The following NXN variants were observed in gnomAD, a reference collection of about 807,000 sequenced individuals.
NXN encodes the protein nucleoredoxin 1.
Under a neutral mutation model 48.6 loss-of-function variants are expected in NXN, and 16 were observed. The ratio of observed to expected loss-of-function variants is 0.33; its 90% CI spans 0.22 to 0.50. The LOEUF is 0.50. NXN is among the 20% of genes least tolerant of loss of function. The pLI is 0.98. For missense variants in NXN, 492 were observed against 605.5 expected (o/e 0.81, Z 1.97); for synonymous variants, 281 against 269.6 (o/e 1.04, Z -0.41).
At chr17:878,711 C>G (rs941276303) in intron 1 of NXN, among the ~76,000 whole-genome samples, 2 of 152,006 alleles carry the variant, frequency 1.3e-5, no homozygotes, top group African/African-American at 4.8e-5. Context: ...CAATAGTGCC[C>G]CAACCTGATT....
At chr17:859,415 T>C (rs140264887) in intron 1 of NXN, among the ~76,000 whole-genome samples, 1,803 of 152,180 alleles carry the variant, frequency 0.012, 18 homozygotes, top group Non-Finnish European at 0.015. Context: ...TAATTGCTTA[T>C]AAAAGCTCCT....
chr17:875,117 C>T (rs1390996440), intron 1 of NXN, among the ~76,000 whole-genome samples: 1 of 151,992 alleles, frequency 6.6e-6, no homozygotes, highest in Non-Finnish European at 1.5e-5. Context: ...CTGCAACCTC[C>T]GCCTCCCGGG....
At chr17:843,006 G>GAAAGAAAA (rs1302027670) in intron 1 of NXN, among the ~76,000 whole-genome samples, 1 of 96,042 alleles carries the variant, frequency 1.0e-5, no homozygotes. Context: ...GAGAGAAAGA[G>GAAAGAAAA]AGAAAGAAAG....
chr17:892,656 G>A (rs1039229371), intron 1 of NXN, among the ~76,000 whole-genome samples: 3 of 152,272 alleles, frequency 2.0e-5, no homozygotes, highest in East Asian at 1.9e-4. Flanking sequence ...TGTGTGGGGG[G>A]GTGCTGTTCC....
chr17:972,791 G>C (rs2069402839), intron 1 of NXN, among the ~76,000 whole-genome samples: 1 of 152,214 alleles, frequency 6.6e-6, no homozygotes. Context: ...CAGCACTTTG[G>C]GAGGCTGACG....
chr17:875,278 C>T (rs955126843), intron 1 of NXN, among the ~76,000 whole-genome samples: 1 of 152,026 alleles, frequency 6.6e-6, no homozygotes, highest in Admixed American at 6.6e-5. Context: ...GTGATCCTCC[C>T]ATCTCAGGCT....
At chr17:916,414 A>C (rs2068688999) in intron 1 of NXN, among the ~76,000 whole-genome samples, 1 of 152,236 alleles carries the variant, frequency 6.6e-6, no homozygotes, top group Non-Finnish European at 1.5e-5. Context: ...TGTTTTACGT[A>C]AAATTAACGT....
Position 958,240 on chromosome 17 carries a change from T to C in NXN, c.360+21079A>G, listed in dbSNP as rs2069193460. Among the ~76,000 whole-genome samples the C allele has an allele frequency of 6.6e-6, 1 of 152,196 alleles. No homozygotes were observed. The highest frequency in any genetic ancestry group is 1.5e-5 in the Non-Finnish European group (1 of 68,036). On this transcript the variant is annotated intron_variant, in intron 1 of 7. Transcript: ENST00000336868. This position sits in a 1 kb window ranked among gnomAD's most constrained non-coding sequence, Gnocchi z 6.9. ...CTTGCAGGAGGTGGCTGCCAGCTTG[T>C]CCCTTCCCCGGTGCCTCTGCCCAAC...
At chr17:889,533 C>T (rs893444494) in intron 1 of NXN, among the ~76,000 whole-genome samples, 1 of 152,082 alleles carries the variant, frequency 6.6e-6, no homozygotes, top group African/African-American at 2.4e-5. Context: ...CCTGTCTCCA[C>T]TAAAATACAA....
chr17:811,514 G>GT (rs1555609076), intron 5 of NXN, among the ~76,000 whole-genome samples: 3 of 152,084 alleles, frequency 2.0e-5, no homozygotes, highest in Admixed American at 6.5e-5. Flanking sequence ...GGGGTTGGGG[G>GT]GGGGGCAGCA....
At chr17:812,050 C>A (rs563717143) in intron 5 of NXN, among the ~76,000 whole-genome samples, 5 of 151,342 alleles carry the variant, frequency 3.3e-5, no homozygotes, top group African/African-American at 1.2e-4. Context: ...GCCTCAGCCT[C>A]CCGAGTAGCT....
At chr17:818,442 C>A (rs1198170867) in intron 5 of NXN, among the ~76,000 whole-genome samples, 2 of 151,982 alleles carry the variant, frequency 1.3e-5, no homozygotes, top group Non-Finnish European at 2.9e-5. Context: ...AAAGCTTTAC[C>A]ACCCCACTTT....
chr17:868,469 GT>G (rs113445191), intron 1 of NXN, among the ~76,000 whole-genome samples: 2 of 146,960 alleles, frequency 1.4e-5, no homozygotes. Context: ...GTCTTTTTTT[GT>G]TTTTTTTTTG....
chr17:809,739 G>A (rs1161703079), intron 5 of NXN, among the ~76,000 whole-genome samples: 2 of 130,220 alleles, frequency 1.5e-5, no homozygotes, highest in African/African-American at 2.7e-5. Flanking sequence ...AGACCATAGC[G>A]ACACGGCAAA....
At chr17:912,205 T>A (rs2068643064) in intron 1 of NXN, among the ~76,000 whole-genome samples, 1 of 152,142 alleles carries the variant, frequency 6.6e-6, no homozygotes, top group African/African-American at 2.4e-5. Flanking sequence ...CCCAAAGTGC[T>A]GGGCTTATAA....
chr17:917,789 C>T lies in NXN; in HGVS notation c.360+61530G>A, dbSNP rs1026978883. Among the ~76,000 whole-genome samples, 1 of 152,168 alleles carries T rather than the reference C, an allele frequency of 6.6e-6. No homozygotes were observed. Among genetic ancestry groups the T allele is most frequent in the East Asian group, 1.9e-4 (1 of 5,198 alleles). On this transcript the variant is annotated intron_variant, in intron 1 of 7. Transcript: ENST00000336868. The surrounding 1 kb of genome is among the most constrained non-coding windows in gnomAD (Gnocchi z 4.5). ...GCGTGGCTCTCGCTCCCCAGGAAGGCCTCGCAGAGGTGGGGACAAGGGCGG... is the reference window on the plus strand; with the variant it reads ...GCGTGGCTCTCGCTCCCCAGGAAGGTCTCGCAGAGGTGGGGACAAGGGCGG...
At chr17:846,422 AAAAAAAAAAG>A (rs1166489323) in intron 1 of NXN, among the ~76,000 whole-genome samples, 1 of 149,650 alleles carries the variant, frequency 6.7e-6, no homozygotes, top group African/African-American at 2.4e-5. Context: ...TCAAAAAAAA[AAAAAAAAAAG>A]AAAAGAAAAA....
chr17:970,216 G>A (rs1363558757), intron 1 of NXN, among the ~76,000 whole-genome samples: 2 of 152,096 alleles, frequency 1.3e-5, no homozygotes, highest in Non-Finnish European at 2.9e-5. Flanking sequence ...CTGCCTCGTC[G>A]TGGTGCAGAA....
At chr17:960,786 CGA>C in intron 1 of NXN, among the ~76,000 whole-genome samples, 3 of 132,984 alleles carry the variant, frequency 2.3e-5, no homozygotes, top group African/African-American at 1.2e-4. Flanking sequence ...CCAATTAACT[CGA>C]TTTTTTTTTT....
Sources: allele counts gnomAD v4.1 joint callset (sites outside exome capture counted in the v4.1 genomes callset), GRCh38; gene constraint gnomAD v4.1.1; non-coding constraint Gnocchi (gnomAD v3.1); transcripts MANE v1.5; gene names NCBI Gene and HGNC (gene_info 2026-07-23, HGNC 2026-07-21).